Variants in HSPA14 observed in about 807,000 individuals in gnomAD.
HSPA14 encodes heat shock protein family A (Hsp70) member 14.
A neutral mutation model predicts 65.5 loss-of-function variants in HSPA14; 37 were observed. The ratio of observed to expected loss-of-function variants is 0.56; its 90% CI spans 0.43 to 0.74. HSPA14 has a LOEUF of 0.74. Ranked by LOEUF, HSPA14 falls within the 30% of genes least tolerant of loss-of-function variation. HSPA14 has a pLI of 0.00. For synonymous variants in HSPA14, 203 were observed against 214.2 expected (o/e 0.95, Z 0.46); for missense variants, 564 against 607.6 (o/e 0.93, Z 0.75).
chr10:14,849,656 A>C, intron 5 of HSPA14, 65 bp from the exon 6 acceptor site: 1 of 1,232,546 alleles, frequency 8.1e-7, no homozygotes, highest in Non-Finnish European at 1.2e-6. Context: ...TAAATTAATA[A>C]ACCTCAGAAA....
At chr10:14,852,590 AT>A in intron 8 of HSPA14, 59 bp downstream of exon 8, 11 of 1,352,590 alleles carry the variant, frequency 8.1e-6, no homozygotes, top group Non-Finnish European at 1.0e-5. Flanking sequence ...ACATATTTTA[AT>A]TTTTTTTCCT....
chr10:14,848,817 T>C lies in HSPA14; in HGVS notation c.298T>C (p.Tyr100His). 4 of 1,580,588 alleles carry C rather than the reference T, an allele frequency of 2.5e-6. No homozygotes were observed. Among genetic ancestry groups the C allele is most frequent in the Non-Finnish European group, 3.5e-6 (4 of 1,156,702 alleles). Residue 100 changes from tyrosine to histidine, a missense_variant, in exon 5 of 14, where the codon TAT becomes CAT. Tyr to His is a moderately conservative substitution (Grantham distance 83, BLOSUM62 2). Coordinates refer to ENST00000378372, the MANE Select transcript of HSPA14 (RefSeq NM_016299.4). ...CATTGAAAAAAATGGGAAATTACGA[T>C]ATGAAATAGATACTGGAGAAGAAAC... is the stretch of plus-strand genomic sequence containing the variant. ...LVIEKNGKLR[Y>H]EIDTGEETKF...
chr10:14,862,110 T>C (rs962108118), intron 10 of HSPA14, among the ~76,000 whole-genome samples: 2 of 149,620 alleles, frequency 1.3e-5, no homozygotes, highest in Non-Finnish European at 3.0e-5. Flanking sequence ...CACTGTAAGC[T>C]CTGCCTGCCG....
At chr10:14,845,599 T>TTA (rs933600308) in intron 3 of HSPA14, 400 of 361,642 alleles carry the variant, frequency 1.1e-3, no homozygotes, top group Middle Eastern at 1.4e-3. Context: ...ATTATTATTA[T>TTA]TTTTTTTTTT....
At chr10:14,838,585 A>G (rs929441844) in intron 1 of HSPA14, 126 bp downstream of exon 1, 21 of 935,948 alleles carry the variant, frequency 2.2e-5, no homozygotes, top group Non-Finnish European at 3.1e-5. Flanking sequence ...CGTTGCCGCG[A>G]GGACACTCCG....
intron 10 of HSPA14, among the ~76,000 whole-genome samples, chr10:14,865,481 T>C (rs1832797239): frequency 6.6e-6 from 1 of 152,180 alleles, no homozygotes; most frequent in African/African-American, 2.4e-5. Context: ...CTTTAATCCA[T>C]CTTGAATTAA....
chr10:14,842,347 C>T lies in HSPA14; in HGVS notation c.221+2190C>T. On this transcript the variant is annotated intron_variant, in intron 3 of 13. Transcript: ENST00000378372. The surrounding 1 kb of genome is among the most constrained non-coding windows in gnomAD (Gnocchi z 5.2). Reference sequence around the variant, plus strand: ...CCAGACAGGAGACACGAACTCTTCTCTCCATACTAGGCGAGGCAGAGTATA... The same window carrying T: ...CCAGACAGGAGACACGAACTCTTCTTTCCATACTAGGCGAGGCAGAGTATA... The T allele has an allele frequency of 2.0e-6, 3 of 1,536,140 alleles. No homozygotes were observed. The highest frequency in any genetic ancestry group is 2.6e-6 in the Non-Finnish European group (3 of 1,146,904).
intron 10 of HSPA14, among the ~76,000 whole-genome samples, chr10:14,866,772 CTA>C (rs1252807317): frequency 6.6e-6 from 1 of 151,846 alleles, no homozygotes; most frequent in Non-Finnish European, 1.5e-5. Flanking sequence ...ATTCAAGTGA[CTA>C]TTTGTGGTTA....
At position 14,842,678 on chromosome 10, in the gene HSPA14, G is replaced by C. The variant is rs1474352545; in HGVS notation, c.221+2521G>C. The C allele has an allele frequency of 6.5e-7, 1 of 1,536,192 alleles. No homozygotes were observed. Among genetic ancestry groups the C allele is most frequent in the African/African-American group, 1.4e-5 (1 of 73,040 alleles). On this transcript the variant is annotated intron_variant, in intron 3 of 13. Coordinates refer to ENST00000378372, the MANE Select transcript of HSPA14 (RefSeq NM_016299.4). This position sits in a 1 kb window ranked among gnomAD's most constrained non-coding sequence, Gnocchi z 5.2. ...GAACTTAGTGGCCTCTGACGCCCCA[G>C]GGGAAGAGGGAACCGGCATTCTAAA...
intron 9 of HSPA14, 126 bp downstream of exon 9, chr10:14,854,406 C>A (rs552786088): frequency 1.4e-6 from 1 of 729,916 alleles, no homozygotes; most frequent in Non-Finnish European, 2.2e-6. Context: ...AATGTCTTCA[C>A]TTTATTGGGG....
intron 10 of HSPA14, among the ~76,000 whole-genome samples, chr10:14,861,273 C>G (rs1019774506): frequency 6.7e-6 from 1 of 149,378 alleles, no homozygotes; most frequent in Non-Finnish European, 1.5e-5. Flanking sequence ...AGTGGGGAGA[C>G]ATTTCTCTAA....
rs1832814195 is a variant in HSPA14 at position 14,867,161 on chromosome 10, C to G, written c.1072C>G (p.Leu358Val). ...IKDLFPAVEL[L>V]NSIPPDEVIP... is the part of the protein sequence containing the mutation. ...AGATCTTTTCCCAGCTGTTGAGCTTCTCAATTCTATCCCTCCTGATGAAGT... is the reference window on the plus strand; with the variant it reads ...AGATCTTTTCCCAGCTGTTGAGCTTGTCAATTCTATCCCTCCTGATGAAGT... The change falls in exon 11 of 14, where the codon CTC (leucine) becomes GTC (valine). Residue 358 changes from leucine (L) to valine (V), a missense_variant. By Grantham distance (32) the Leu-to-Val change is conservative (BLOSUM62 1). Transcript: ENST00000378372. 6.2e-7 allele frequency: 1 copy of G among 1,613,780 alleles called. No individual in the cohort carries two copies.
At chr10:14,865,801 C>G (rs941989260) in intron 10 of HSPA14, among the ~76,000 whole-genome samples, 5 of 152,144 alleles carry the variant, frequency 3.3e-5, no homozygotes, top group Non-Finnish European at 7.3e-5. Flanking sequence ...AACGTGGGCT[C>G]TTTTTTGGTT....
At chr10:14,863,728 C>A (rs562200575) in intron 10 of HSPA14, among the ~76,000 whole-genome samples, 1 of 152,142 alleles carries the variant, frequency 6.6e-6, no homozygotes, top group Non-Finnish European at 1.5e-5. Flanking sequence ...CTCACTCTTA[C>A]CCTCTTTAAC....
At chr10:14,869,052 T>A (rs1036057380) in intron 12 of HSPA14, among the ~76,000 whole-genome samples, 8 of 152,018 alleles carry the variant, frequency 5.3e-5, no homozygotes, top group African/African-American at 1.7e-4. Context: ...TTCACCGTGT[T>A]AGCCAGGATG....
At chr10:14,844,291 G>C (rs1834014995) in intron 3 of HSPA14, 1 of 1,092,890 alleles carries the variant, frequency 9.2e-7, no homozygotes, top group Non-Finnish European at 1.1e-6. Flanking sequence ...GGGTTTAAAA[G>C]TTTAAAAGCA....
At chr10:14,851,149 C>A in intron 6 of HSPA14, 70 bp from the exon 7 acceptor site, 1 of 824,092 alleles carries the variant, frequency 1.2e-6, no homozygotes, top group South Asian at 1.5e-5. Context: ...AAATCTTTAG[C>A]AGATCATTTC....
chr10:14,853,089 A>T (rs1834120796), intron 8 of HSPA14, among the ~76,000 whole-genome samples: 2 of 152,338 alleles, frequency 1.3e-5, no homozygotes, highest in South Asian at 4.1e-4. Context: ...TGCTCTAAAA[A>T]AAAAAAAAAG....
chr10:14,859,456 C>G (rs1414728209), intron 10 of HSPA14, among the ~76,000 whole-genome samples: 1 of 152,234 alleles, frequency 6.6e-6, no homozygotes, highest in East Asian at 1.9e-4. Flanking sequence ...CTCAAGATTT[C>G]TCTTCCATTT....
Sources: allele counts gnomAD v4.1 joint callset (sites outside exome capture counted in the v4.1 genomes callset), GRCh38; gene constraint gnomAD v4.1.1; non-coding constraint Gnocchi (gnomAD v3.1); transcripts MANE v1.5; gene names NCBI Gene and HGNC (gene_info 2026-07-23, HGNC 2026-07-21).